FAM78B: variants seen among roughly 807,000 people sequenced by gnomAD.
The protein encoded by FAM78B is protein FAM78B.
FAM78B carries 10 observed loss-of-function variants against 20.0 expected under a neutral mutation model. The observed-to-expected ratio is 0.50, with a 90% CI of 0.31 to 0.85. The LOEUF (loss-of-function observed/expected upper bound fraction) is 0.85, where lower values mean the gene tolerates loss of function less well. Ranked by LOEUF, FAM78B falls within the 40% of genes least tolerant of loss-of-function variation. FAM78B has a pLI of 0.05. For missense variants in FAM78B, 283 were observed against 345.0 expected (o/e 0.82, Z 1.42); for synonymous variants, 135 against 132.8 (o/e 1.02, Z -0.12).
chr1:166,164,527 T>C (rs573552118), intron 1 of FAM78B, among the ~76,000 whole-genome samples: 25 of 152,360 alleles, frequency 1.6e-4, no homozygotes, highest in African/African-American at 5.5e-4. Context: ...CTGAGGCATA[T>C]TGGAAACTGG....
chr1:166,108,208 C>G (rs1381579126), intron 1 of FAM78B, among the ~76,000 whole-genome samples: 1 of 152,094 alleles, frequency 6.6e-6, no homozygotes, highest in East Asian at 1.9e-4. Flanking sequence ...CAAACTGTCA[C>G]TGTTTGCTGA....
chr1:166,151,675 G>A (rs1655679211), intron 1 of FAM78B, among the ~76,000 whole-genome samples: 1 of 152,182 alleles, frequency 6.6e-6, no homozygotes, highest in Non-Finnish European at 1.5e-5. Context: ...ATACTCCTCA[G>A]TAGGAGCTGT....
intron 1 of FAM78B, among the ~76,000 whole-genome samples, chr1:166,127,867 A>C (rs1227650108): frequency 6.6e-6 from 1 of 152,198 alleles, no homozygotes; most frequent in East Asian, 1.9e-4. Flanking sequence ...CTCACCTGCA[A>C]TAGCCCTGGT....
chr1:166,141,926 T>C (rs950868940), intron 1 of FAM78B, among the ~76,000 whole-genome samples: 3 of 152,154 alleles, frequency 2.0e-5, no homozygotes, highest in Non-Finnish European at 4.4e-5. Context: ...CATATTGATA[T>C]GGAGAAAGGG....
intron 1 of FAM78B, among the ~76,000 whole-genome samples, chr1:166,104,460 A>G (rs1653678813): frequency 6.6e-6 from 1 of 152,136 alleles, no homozygotes; most frequent in South Asian, 2.1e-4. Context: ...AAACCCCATC[A>G]CCTCAGCCCA....
chr1:166,162,333 C>G (rs1656179037), intron 1 of FAM78B, among the ~76,000 whole-genome samples: 1 of 152,224 alleles, frequency 6.6e-6, no homozygotes, highest in African/African-American at 2.4e-5. Context: ...TATGACTGAG[C>G]TATGACTTCC....
Position 166,161,863 on chromosome 1 carries a change from C to A in FAM78B, c.263+4123G>T, listed in dbSNP as rs1051913476. ...TCTGGATACCCTAAGCTTGAGATGT[C>A]TTTCATTGTGTCATGTCATCATTGT... On this transcript the variant is annotated intron_variant, in intron 1 of 1. Coordinates refer to ENST00000354422, the MANE Select transcript of FAM78B (RefSeq NM_001017961.5). Among the ~76,000 whole-genome samples, 4 of 152,226 alleles carry A rather than the reference C, an allele frequency of 2.6e-5. No homozygotes were observed. The East Asian group carries it at 7.7e-4, about 29-fold the overall frequency.
chr1:166,159,806 T>C (rs1656075943), intron 1 of FAM78B, among the ~76,000 whole-genome samples: 1 of 152,224 alleles, frequency 6.6e-6, no homozygotes, highest in South Asian at 2.1e-4. Context: ...AACTCCTCCT[T>C]TGACTCCAGA....
At position 166,075,462 on chromosome 1, in the gene FAM78B, T is replaced by C. The variant is rs1047946323; in HGVS notation, c.264-4699A>G. Among the ~76,000 whole-genome samples, 5 of 152,166 alleles carry C rather than the reference T, an allele frequency of 3.3e-5. 1 individual carries two copies. The highest frequency in any genetic ancestry group is 2.6e-4 in the Admixed American group (4 of 15,266). On this transcript the variant is annotated intron_variant, in intron 1 of 1. Coordinates refer to ENST00000354422, the MANE Select transcript of FAM78B (RefSeq NM_001017961.5). ...GTAATCATTCACAGAAGTAACAAGG[T>C]TGTGGTCTCACTGTCCCTGACATTT...
chr1:166,076,193 C>T (rs939503211), intron 1 of FAM78B, among the ~76,000 whole-genome samples: 1 of 152,166 alleles, frequency 6.6e-6, no homozygotes. Context: ...CAAAGTGTTT[C>T]CATGCCTCCT....
chr1:166,116,699 T>C (rs1333930615), intron 1 of FAM78B, among the ~76,000 whole-genome samples: 1 of 152,224 alleles, frequency 6.6e-6, no homozygotes, highest in Non-Finnish European at 1.5e-5. Context: ...CCAGTGTATT[T>C]TTTCCAATTG....
At chr1:166,092,204 AAT>A (rs1295445289) in intron 1 of FAM78B, among the ~76,000 whole-genome samples, 3 of 152,208 alleles carry the variant, frequency 2.0e-5, no homozygotes, top group Non-Finnish European at 4.4e-5. Flanking sequence ...AGCTACCATC[AAT>A]GTTTGTTAAT....
rs922481553 is a variant in FAM78B, at chr1:166,166,285, A to AGCGCGGGGGCCC, written c.-49_-38dup. ...GTGCCGGCACGGCGCGGCGTGGGGC[A>AGCGCGGGGGCCC]GCGCGGGGGCCCGCGCGGGCAGCCG... On this transcript the variant is annotated 5_prime_UTR_variant, in exon 1 of 2. Coordinates refer to ENST00000354422, the MANE Select transcript of FAM78B (RefSeq NM_001017961.5). 2 of 1,218,762 alleles carry AGCGCGGGGGCCC rather than the reference A, an allele frequency of 1.6e-6. No homozygotes were observed. The highest frequency in any genetic ancestry group is 2.0e-6 in the Non-Finnish European group (2 of 978,662). The allele number at this position is 1,218,762 out of a possible 1,614,324, so 75.5% of individuals were successfully genotyped here.
At chr1:166,162,961 C>T (rs1656208740) in intron 1 of FAM78B, among the ~76,000 whole-genome samples, 1 of 152,206 alleles carries the variant, frequency 6.6e-6, no homozygotes, top group Non-Finnish European at 1.5e-5. Flanking sequence ...CTCTAGAACA[C>T]CCTGCTTGGC....
rs112021233 is a variant in FAM78B at position 166,143,056 on chromosome 1, G to C, written c.263+22930C>G. ...TCTCAGCTCTTAGGAGCTGTGAGATGTTGGGCAAATTAGGTAATTTCTCTA... is the reference window on the plus strand; with the variant it reads ...TCTCAGCTCTTAGGAGCTGTGAGATCTTGGGCAAATTAGGTAATTTCTCTA... On this transcript the variant is annotated intron_variant, in intron 1 of 1. Coordinates refer to ENST00000354422, the MANE Select transcript of FAM78B (RefSeq NM_001017961.5). 1.1e-4 allele frequency among the ~76,000 whole-genome samples: 17 copies of C among 152,292 alleles called. 1 individual carries two copies. Among genetic ancestry groups the C allele is most frequent in the African/African-American group, 3.6e-4 (15 of 41,552 alleles).
At chr1:166,136,945 A>G (rs1380081808) in intron 1 of FAM78B, among the ~76,000 whole-genome samples, 1 of 152,214 alleles carries the variant, frequency 6.6e-6, no homozygotes, top group Non-Finnish European at 1.5e-5. Flanking sequence ...TATGGCTCAT[A>G]ACTATCATGT....
intron 1 of FAM78B, among the ~76,000 whole-genome samples, chr1:166,084,237 A>ACACACTCTCTCTCTCTCT (rs771421402): frequency 5.5e-4 from 69 of 125,464 alleles, no homozygotes; most frequent in Admixed American, 3.1e-3. Context: ...ACACACACAC[A>ACACACTCTCTCTCTCTCT]CTCTCTCTCT....
At chr1:166,141,083 C>T (rs1344396044) in intron 1 of FAM78B, among the ~76,000 whole-genome samples, 1 of 152,214 alleles carries the variant, frequency 6.6e-6, no homozygotes, top group African/African-American at 2.4e-5. Flanking sequence ...GCTCCCCTGA[C>T]ATTAAAGGCC....
intron 1 of FAM78B, among the ~76,000 whole-genome samples, chr1:166,139,559 T>G (rs139161016): frequency 1.3e-5 from 2 of 152,186 alleles, no homozygotes; most frequent in East Asian, 3.9e-4. Flanking sequence ...AAGGAGCCCA[T>G]AAGGCAGCCT....
Sources: allele counts gnomAD v4.1 joint callset (sites outside exome capture counted in the v4.1 genomes callset), GRCh38; gene constraint gnomAD v4.1.1; transcripts MANE v1.5; gene names NCBI Gene and HGNC (gene_info 2026-07-23, HGNC 2026-07-21).